The following UNC80 variants were observed in gnomAD, a reference collection of about 807,000 sequenced individuals.
UNC80 encodes the protein protein unc-80 homolog.
A neutral mutation model predicts 384.6 loss-of-function variants in UNC80; 164 were observed. The observed-to-expected ratio is 0.43, with a 90% CI of 0.38 to 0.49. UNC80 has a LOEUF of 0.49. Among genes scored for constraint, UNC80 ranks in the 20% least tolerant of loss-of-function variants. The probability of loss-of-function intolerance (pLI) is 0.00; values close to 1 mark genes in which losing one functional copy is unlikely to be tolerated. For missense variants in UNC80, 3,330 were observed against 4,143.0 expected, an observed-to-expected ratio of 0.80 and a Z score of 5.39; for synonymous variants, 1,486 against 1,527.8, an observed-to-expected ratio of 0.97 and a Z score of 0.64.
At chr2:209,842,485 A>G in intron 21 of UNC80, 39 bp downstream of exon 21, 1 of 1,417,238 alleles carries the variant, frequency 7.1e-7, no homozygotes, top group Non-Finnish European at 9.7e-7. Flanking sequence ...TTCAACTTTT[A>G]TCACACAGAA....
intron 28 of UNC80, among the ~76,000 whole-genome samples, chr2:209,903,108 TAATAC>T (rs530035565): frequency 1.3e-4 from 19 of 151,948 alleles, no homozygotes; most frequent in African/African-American, 4.3e-4. Flanking sequence ...TTATAATACC[TAATAC>T]AATGTAAATT....
Position 209,959,556 on chromosome 2 carries a change from C to G in UNC80, c.7654C>G (p.Arg2552Gly). Residue 2552 changes from arginine (R) to glycine (G), a missense_variant, in exon 51 of 65, where the codon CGG (arginine) becomes GGG (glycine). Around this residue, in one of 8 missense-constraint regions of UNC80, gnomAD observed 1,049 missense variants for 1,488.6 expected, o/e 0.70. Transcript: ENST00000673920. ...PREELDERIA[R>G]EEFRRPRESL... The stretch of plus-strand genomic sequence containing the variant: ...AGAGGAACTGGATGAACGAATTGCT[C>G]GGGAAGAGTTCAGAAGACCCCGGGA... 6.4e-7 allele frequency: 1 copy of G among 1,551,658 alleles called. No individual in the cohort carries two copies. The highest frequency in any genetic ancestry group is 2.4e-5 in the East Asian group (1 of 40,928).
chr2:209,956,558 A>G (rs1369527755), intron 48 of UNC80, among the ~76,000 whole-genome samples: 1 of 149,720 alleles, frequency 6.7e-6, no homozygotes, highest in African/African-American at 2.5e-5. Flanking sequence ...AGCATCTTGA[A>G]TCCTTTTTTT....
At chr2:209,868,393 A>G (rs2084010857) in intron 22 of UNC80, among the ~76,000 whole-genome samples, 1 of 152,236 alleles carries the variant, frequency 6.6e-6, no homozygotes, top group Non-Finnish European at 1.5e-5. Flanking sequence ...TTTCAGGATC[A>G]GTCAAGATTT....
At chr2:209,848,794 AT>A (rs1303754699) in intron 21 of UNC80, among the ~76,000 whole-genome samples, 1 of 152,008 alleles carries the variant, frequency 6.6e-6, no homozygotes, top group Non-Finnish European at 1.5e-5. Flanking sequence ...AGGTTCCCGC[AT>A]TTTTCCATTA....
At chr2:209,902,774 A>G (rs527611762) in intron 28 of UNC80, among the ~76,000 whole-genome samples, 10 of 152,326 alleles carry the variant, frequency 6.6e-5, no homozygotes, top group East Asian at 1.9e-4. Flanking sequence ...AGACTATGGT[A>G]TAGTGTAAAC....
intron 22 of UNC80, among the ~76,000 whole-genome samples, chr2:209,866,222 T>C (rs1356222851): frequency 6.6e-6 from 1 of 152,166 alleles, no homozygotes; most frequent in Non-Finnish European, 1.5e-5. Flanking sequence ...ATAGATCTTT[T>C]CATTTTATTT....
intron 53 of UNC80, 65 bp from the exon 54 acceptor site, chr2:209,970,767 C>T (rs2092861138): frequency 6.6e-7 from 1 of 1,511,936 alleles, no homozygotes; most frequent in Middle Eastern, 1.7e-4. Flanking sequence ...CATTGAGACT[C>T]CTTTACTACG....
At chr2:209,866,537 G>C (rs199844214) in intron 22 of UNC80, among the ~76,000 whole-genome samples, 4,452 of 90,664 alleles carry the variant, frequency 0.049, 75 homozygotes, top group Middle Eastern at 0.065. Flanking sequence ...CACACACAGA[G>C]AGAGAGAGAG....
At chr2:209,871,720 T>A (rs1233442968) in intron 22 of UNC80, among the ~76,000 whole-genome samples, 3 of 152,144 alleles carry the variant, frequency 2.0e-5, no homozygotes, top group African/African-American at 7.2e-5. Context: ...ACTTCTTTCC[T>A]TAACTTTTTT....
chr2:209,873,149 G>A (rs1314669896), intron 23 of UNC80, among the ~76,000 whole-genome samples, 179 bp downstream of exon 23: 1 of 152,136 alleles, frequency 6.6e-6, no homozygotes, highest in East Asian at 1.9e-4. Context: ...AAATCTATGA[G>A]GTTAGACATT....
chr2:209,959,968 A>G (rs2092539525), intron 51 of UNC80, among the ~76,000 whole-genome samples: 1 of 152,218 alleles, frequency 6.6e-6, no homozygotes, highest in African/African-American at 2.4e-5. Context: ...TCTCAATAAA[A>G]GAGAAAGAAA....
At chr2:209,940,765 C>T (rs778345504) in intron 43 of UNC80, among the ~76,000 whole-genome samples, 4 of 152,032 alleles carry the variant, frequency 2.6e-5, no homozygotes, top group Admixed American at 6.6e-5. Context: ...TGCAGTGAGC[C>T]GAGATTGCGC....
At position 209,849,582 on chromosome 2, in the gene UNC80, A is replaced by G. The variant is rs949618262; in HGVS notation, c.3586A>G (p.Thr1196Ala). 1.3e-6 allele frequency: 2 copies of G among 1,550,956 alleles called. No individual in the cohort carries two copies. The highest frequency in any genetic ancestry group is 2.0e-5 in the Admixed American group (1 of 50,950). ...QFLLNCCEPG[T>A]IPDASILAAA... ...TCTGTTAAACTGCTGTGAGCCAGGG[A>G]CAATTCCTGATGCCTCCATCCTAGC... is the stretch of plus-strand genomic sequence containing the variant. Residue 1196 changes from threonine to alanine, a missense_variant, in exon 22 of 65, where the codon ACA (threonine) becomes GCA (alanine). Physicochemically the swap from Thr to Ala is moderately conservative, Grantham distance 58. This residue lies in a region of UNC80 where 801 missense variants were observed against 950.8 expected (regional missense o/e 0.84). Coordinates refer to ENST00000673920, the MANE Select transcript of UNC80 (RefSeq NM_001371986.1).
intron 51 of UNC80, among the ~76,000 whole-genome samples, chr2:209,966,666 G>A (rs1366608288): frequency 6.6e-6 from 1 of 152,104 alleles, no homozygotes; most frequent in Non-Finnish European, 1.5e-5. Context: ...ATCAACACTT[G>A]GGTCTGGTGA....
intron 43 of UNC80, among the ~76,000 whole-genome samples, chr2:209,940,117 C>T (rs1226991033): frequency 1.3e-5 from 2 of 152,088 alleles, no homozygotes; most frequent in Non-Finnish European, 2.9e-5. Context: ...GCAGTTGAAG[C>T]GTGGGTAGGA....
chr2:209,856,756 G>GTTTATTTA (rs1307220380), intron 22 of UNC80, among the ~76,000 whole-genome samples: 21 of 147,296 alleles, frequency 1.4e-4, no homozygotes, highest in Admixed American at 1.0e-3. Context: ...TGGTTTTTTT[G>GTTTATTTA]TTTACTTATT....
chr2:209,894,403 G>A, intron 27 of UNC80, 37 bp downstream of exon 27: 1 of 975,852 alleles, frequency 1.0e-6, no homozygotes, highest in Non-Finnish European at 1.2e-6. Flanking sequence ...GGACGTGGGG[G>A]GTAGGAAGAC....
At chr2:209,984,585 C>T (rs542039300) in intron 60 of UNC80, among the ~76,000 whole-genome samples, 16 of 152,238 alleles carry the variant, frequency 1.1e-4, no homozygotes, top group South Asian at 2.1e-4. Flanking sequence ...TGGGCCCATT[C>T]GGAGTTCATT....
Sources: gnomAD v4.1 joint callset for allele counts (sites outside exome capture counted in the v4.1 genomes callset) on GRCh38, gnomAD v4.1.1 for gene constraint, gnomAD v4.1.1 regional missense constraint, MANE v1.5 for transcripts, NCBI Gene and HGNC (gene_info 2026-07-23, HGNC 2026-07-21) for gene names.